UBA2: variants seen among roughly 807,000 people sequenced by gnomAD.
UBA2 encodes SUMO-activating enzyme subunit 2.
UBA2 carries 11 observed loss-of-function variants against 77.2 expected under a neutral mutation model. The ratio of observed to expected loss-of-function variants is 0.14; its 90% confidence interval spans 0.09 to 0.24. The LOEUF (loss-of-function observed/expected upper bound fraction) is 0.24. Among genes scored for constraint, UBA2 ranks in the 10% least tolerant of loss-of-function variants. The pLI is 1.00. For missense variants in UBA2, 487 were observed against 781.7 expected, an observed-to-expected ratio of 0.62 and a Z score of 4.50; for synonymous variants, 278 against 276.7, an observed-to-expected ratio of 1.00 and a Z score of -0.05.
At chr19:34,428,789 C>CGCCGAGGAG in intron 1 of UBA2, 1 of 1,146,708 alleles carries the variant, frequency 8.7e-7, no homozygotes. Flanking sequence ...CGGCTCCGGA[C>CGCCGAGGAG]GCCGAGGAGG....
chr19:34,447,161 C>A (rs1330701014), intron 8 of UBA2, among the ~76,000 whole-genome samples: 1 of 152,064 alleles, frequency 6.6e-6, no homozygotes, highest in African/African-American at 2.4e-5. Context: ...AGGAAGCATC[C>A]AACATGGGAG....
intron 6 of UBA2, among the ~76,000 whole-genome samples, chr19:34,440,911 G>A (rs2075361720): frequency 7.5e-6 from 1 of 133,846 alleles, no homozygotes; most frequent in Admixed American, 8.4e-5. Context: ...GGGCAACAGA[G>A]CAAGACTCCA....
In UBA2 at chr19:34,440,116, G is replaced by A. The variant is rs142751343; in HGVS notation, c.581+1350G>A. Among the ~76,000 whole-genome samples, 898 of 152,196 alleles carry A rather than the reference G, an allele frequency of 5.9e-3. 6 individuals are homozygous for A. Among genetic ancestry groups the A allele is most frequent in the African/African-American group, 0.02 (848 of 41,526 alleles). Reference sequence around the variant, plus strand: ...AGGTGGGTGGGTCACTTGAGGCCAGGAGTTTGAGAACAGCCTGGCCAACAT... The same window carrying A: ...AGGTGGGTGGGTCACTTGAGGCCAGAAGTTTGAGAACAGCCTGGCCAACAT... On this transcript the variant is annotated intron_variant, in intron 6 of 16. Coordinates refer to ENST00000246548, the MANE Select transcript of UBA2 (RefSeq NM_005499.3).
At chr19:34,468,371 A>G (rs558081433) in intron 16 of UBA2, among the ~76,000 whole-genome samples, 4 of 152,276 alleles carry the variant, frequency 2.6e-5, no homozygotes, top group South Asian at 2.1e-4. Context: ...GGAAGAGACT[A>G]TCTGGTAGAT....
intron 16 of UBA2, among the ~76,000 whole-genome samples, chr19:34,467,496 C>T (rs991231372): frequency 6.6e-6 from 1 of 151,372 alleles, no homozygotes; most frequent in Non-Finnish European, 1.5e-5. Flanking sequence ...CATTTAAGGC[C>T]TGGCATGGTG....
At position 34,460,556 on chromosome 19, in the gene UBA2, A is replaced by G. The variant is rs774083532; in HGVS notation, c.1488A>G (p.Gly496=). Residue 496 remains glycine (G), a synonymous_variant, in exon 14 of 17, where the codon GGA becomes GGG. Transcript: ENST00000246548. ...KGTILISSEE[G]ETEANNHKKL... ...CAATCCTAATATCTTCCGAAGAGGG[A>G]GAGACGGAAGGTATCATACATTGTA... 6.2e-7 allele frequency: 1 copy of G among 1,607,504 alleles called. No individual in the cohort carries two copies. Among genetic ancestry groups the G allele is most frequent in the East Asian group, 2.2e-5 (1 of 44,822 alleles).
Position 34,469,727 on chromosome 19 carries a change from A to G in UBA2, c.*506A>G, listed in dbSNP as rs935101618. On this transcript the variant is annotated 3_prime_UTR_variant, in exon 17 of 17. Transcript: ENST00000246548. ...GCACTATGTATATTAATGTAAAACAATGTTAATTTACTCAAGTTTTCAGTT... is the reference window on the plus strand; with the variant it reads ...GCACTATGTATATTAATGTAAAACAGTGTTAATTTACTCAAGTTTTCAGTT... The G allele has an allele frequency of 1.3e-4, 20 of 152,762 alleles. 1 individual carries two copies. The highest frequency in any genetic ancestry group is 1.2e-3 in the Admixed American group (18 of 15,296). The allele number at this position is 152,762 out of a possible 1,614,324, so 9.5% of individuals were successfully genotyped here.
intron 10 of UBA2, among the ~76,000 whole-genome samples, chr19:34,453,978 G>A (rs571428294): frequency 6.6e-6 from 1 of 152,120 alleles, no homozygotes; most frequent in South Asian, 2.1e-4. Flanking sequence ...AGTCTCCGGT[G>A]CCTTTGTTTA....
At chr19:34,433,167 A>G (rs2075273808) in intron 3 of UBA2, 181 bp from the exon 4 acceptor site, 1 of 522,802 alleles carries the variant, frequency 1.9e-6, no homozygotes, top group East Asian at 3.2e-5. Context: ...TTTGAAGGAA[A>G]TAATTTCTTT....
At chr19:34,434,577 T>C (rs2075289757) in intron 4 of UBA2, among the ~76,000 whole-genome samples, 1 of 152,232 alleles carries the variant, frequency 6.6e-6, no homozygotes, top group South Asian at 2.1e-4. Flanking sequence ...AACAGTGTTT[T>C]GTGTAAGGTA....
intron 14 of UBA2, among the ~76,000 whole-genome samples, chr19:34,460,911 G>A (rs1354313662): frequency 6.6e-6 from 1 of 152,216 alleles, no homozygotes; most frequent in African/African-American, 2.4e-5. Context: ...TTCTCCAAGA[G>A]TGGGGAAGCC....
In UBA2 at chr19:34,446,587, C is replaced by G. The variant is rs1196677051; in HGVS notation, c.771+1466C>G. Among the ~76,000 whole-genome samples, 10 of 151,308 alleles carry G rather than the reference C, an allele frequency of 6.6e-5. No homozygotes were observed. The South Asian group carries it at 1.5e-3, about 22-fold the overall frequency. ...TTATTTCCTCAGTGGTAACAGATGT[C>G]ACATGTTGACTTTTTTTTTTCTTTC... On this transcript the variant is annotated intron_variant, in intron 8 of 16. Coordinates refer to ENST00000246548, the MANE Select transcript of UBA2 (RefSeq NM_005499.3).
intron 9 of UBA2, 97 bp downstream of exon 9, chr19:34,450,461 TC>T: frequency 2.6e-6 from 2 of 770,560 alleles, no homozygotes; most frequent in South Asian, 4.0e-5. Flanking sequence ...TGATATGTCT[TC>T]ATATATTCAA....
At position 34,428,388 on chromosome 19, in the gene UBA2, G is replaced by C. The variant is rs755274637; in HGVS notation, c.-45G>C. ...CCCCACCCGCTTCCGGCCGCGGCTC[G>C]GTTCTCCCGCCTCCGCCTCCGCCGC... On this transcript the variant is annotated 5_prime_UTR_variant, in exon 1 of 17. Coordinates refer to ENST00000246548, the MANE Select transcript of UBA2 (RefSeq NM_005499.3). The C allele has an allele frequency of 3.7e-5, 46 of 1,232,368 alleles. 1 individual carries two copies. The Admixed American group carries it at 1.6e-3, about 42-fold the overall frequency. 76.3% of individuals were successfully genotyped at this position (1,232,368 alleles called of 1,614,324 possible).
rs2075723582 is a variant in UBA2 at position 34,470,028 on chromosome 19, G to T, written c.*807G>T. The T allele has an allele frequency of 6.6e-6, 1 of 151,578 alleles. No individual in the cohort carries two copies. Among genetic ancestry groups the T allele is most frequent in the African/African-American group, 2.4e-5 (1 of 41,194 alleles). The allele number at this position is 151,578 out of a possible 1,614,324, so 9.4% of individuals were successfully genotyped here. On this transcript the variant is annotated 3_prime_UTR_variant, in exon 17 of 17. Coordinates refer to ENST00000246548, the MANE Select transcript of UBA2 (RefSeq NM_005499.3). ...CCAGCACTTTGGAAGGCTGAGGCAGGTGGATCACCTGAGGTCAGTAGTTCA... is the reference window on the plus strand; with the variant it reads ...CCAGCACTTTGGAAGGCTGAGGCAGTTGGATCACCTGAGGTCAGTAGTTCA...
At position 34,454,370 on chromosome 19, in the gene UBA2, A is replaced by G. The variant is rs375155901; in HGVS notation, c.1132+17A>G. ...ATATCAAATGTAAGTTATTTGTACTAAAGTTGTATCACTAAAACCTTGAAG... is the reference window on the plus strand; with the variant it reads ...ATATCAAATGTAAGTTATTTGTACTGAAGTTGTATCACTAAAACCTTGAAG... On this transcript the variant is annotated intron_variant, in intron 11 of 16. Transcript: ENST00000246548. The G allele has an allele frequency of 8.1e-6, 13 of 1,600,908 alleles. No individual in the cohort carries two copies. Among genetic ancestry groups the G allele is most frequent in the Non-Finnish European group, 1.1e-5 (13 of 1,173,046 alleles).
At chr19:34,433,480 T>C in intron 4 of UBA2, 68 bp downstream of exon 4, 3 of 1,103,724 alleles carry the variant, frequency 2.7e-6, no homozygotes, top group Non-Finnish European at 4.1e-6. Flanking sequence ...TGTTTACAAA[T>C]TTAATATTTA....
chr19:34,428,406 T>A lies in UBA2; in HGVS notation c.-27T>A, dbSNP rs1302744760. 2 of 1,241,196 alleles carry A rather than the reference T, an allele frequency of 1.6e-6. No homozygotes were observed. The highest frequency in any genetic ancestry group is 2.0e-6 in the Non-Finnish European group (2 of 991,522). 76.9% of individuals were successfully genotyped at this position (1,241,196 alleles called of 1,614,324 possible). On this transcript the variant is annotated 5_prime_UTR_variant, in exon 1 of 17. Transcript: ENST00000246548. ...GCGGCTCGGTTCTCCCGCCTCCGCC[T>A]CCGCCGCGGCTCGTGGTTGTCCCGC...
rs757615525 is a variant in UBA2 at position 34,454,481 on chromosome 19, T to A, written c.1170T>A (p.Thr390=). The change falls in exon 12 of 17, where the codon ACT becomes ACA. Residue 390 remains threonine (T), a synonymous_variant. Coordinates refer to ENST00000246548, the MANE Select transcript of UBA2 (RefSeq NM_005499.3). The stretch of plus-strand genomic sequence containing the variant: ...ACATTATTCCTGCTATTGCTACTAC[T>A]AATGCAGTAATTGCTGGGTTGATAG... The part of the protein sequence containing the change: ...AGNIIPAIAT[T]NAVIAGLIVL... 6.2e-7 allele frequency: 1 copy of A among 1,609,506 alleles called. No homozygotes were observed. The highest frequency in any genetic ancestry group is 1.1e-5 in the South Asian group (1 of 89,818).
Sources: gnomAD v4.1 joint callset for allele counts (sites outside exome capture counted in the v4.1 genomes callset) on GRCh38, gnomAD v4.1.1 for gene constraint, MANE v1.5 for transcripts, NCBI Gene and HGNC (gene_info 2026-07-23, HGNC 2026-07-21) for gene names.